PCDH7: variants seen among roughly 807,000 people sequenced by gnomAD.
The protein encoded by PCDH7 is protocadherin-7.
A neutral mutation model predicts 58.9 loss-of-function variants in PCDH7; 17 were observed. That is an observed-to-expected ratio of 0.29 (90% CI 0.20 to 0.43). The LOEUF (loss-of-function observed/expected upper bound fraction) is 0.43, where lower values mean the gene tolerates loss of function less well. Ranked by LOEUF, PCDH7 falls within the 20% of genes least tolerant of loss-of-function variation. The probability of loss-of-function intolerance (pLI) is 1.00; values close to 1 mark genes in which losing one functional copy is unlikely to be tolerated. For synonymous variants in PCDH7, 664 were observed against 616.4 expected (o/e 1.08, Z -1.14); for missense variants, 1,274 against 1,441.0 (o/e 0.88, Z 1.88).
intron 1 of PCDH7, among the ~76,000 whole-genome samples, chr4:30,799,014 T>C (rs1725162682): frequency 6.6e-6 from 1 of 152,254 alleles, no homozygotes; most frequent in Non-Finnish European, 1.5e-5. Flanking sequence ...AAACAATTCA[T>C]ATGATTTCAT....
chr4:30,729,353 A>G (rs1486992822), intron 1 of PCDH7, among the ~76,000 whole-genome samples: 2 of 152,034 alleles, frequency 1.3e-5, no homozygotes, highest in African/African-American at 4.8e-5. Flanking sequence ...TTTACAATAG[A>G]CTATAATTCT....
At chr4:30,821,345 T>C (rs1482321427) in intron 1 of PCDH7, among the ~76,000 whole-genome samples, 1 of 152,210 alleles carries the variant, frequency 6.6e-6, no homozygotes, top group African/African-American at 2.4e-5. Flanking sequence ...ACTTAGAGAC[T>C]TCCAGAAGAA....
intron 1 of PCDH7, among the ~76,000 whole-genome samples, chr4:30,843,367 A>T (rs1038094071): frequency 6.6e-6 from 1 of 151,904 alleles, no homozygotes; most frequent in African/African-American, 2.4e-5. Flanking sequence ...CTAATTTTTC[A>T]GTTATTAGTA....
At chr4:30,810,705 G>A (rs1038335792) in intron 1 of PCDH7, among the ~76,000 whole-genome samples, 21 of 150,520 alleles carry the variant, frequency 1.4e-4, no homozygotes, top group Non-Finnish European at 3.1e-4. Flanking sequence ...TCTGCCTCCC[G>A]GTTCAAGCTA....
chr4:31,110,449 C>A (rs1200581994), intron 3 of PCDH7, among the ~76,000 whole-genome samples: 2 of 152,122 alleles, frequency 1.3e-5, no homozygotes, highest in Non-Finnish European at 2.9e-5. Context: ...CTTATGGAAA[C>A]TAGGGGTTGT....
At chr4:30,911,814 T>G (rs552016489) in intron 1 of PCDH7, among the ~76,000 whole-genome samples, 1 of 152,030 alleles carries the variant, frequency 6.6e-6, no homozygotes, top group South Asian at 2.1e-4. Flanking sequence ...CTGATCCACA[T>G]AGGGATGGCA....
At chr4:30,827,207 G>T (rs1334707840) in intron 1 of PCDH7, among the ~76,000 whole-genome samples, 2 of 152,214 alleles carry the variant, frequency 1.3e-5, no homozygotes, top group East Asian at 3.9e-4. Flanking sequence ...ACTATATAGT[G>T]CTTGCTTTGG....
intron 3 of PCDH7, among the ~76,000 whole-genome samples, chr4:31,085,075 T>C (rs1712212153): frequency 6.6e-6 from 1 of 152,106 alleles, no homozygotes; most frequent in Non-Finnish European, 1.5e-5. Context: ...AGTTTTATTA[T>C]TACTCAAATC....
rs149264659 is a variant in PCDH7, at chr4:31,043,143, G to T, written c.*7+92928G>T. ...AATCACCTCTTAAAGACCTCATCTC[G>T]TAATACTGTTACCCTAGGGATTAAG... On this transcript the variant is annotated intron_variant, in intron 3 of 3. Coordinates refer to the PCDH7 transcript ENST00000509759. Among the ~76,000 whole-genome samples the T allele has an allele frequency of 1.3e-4, 20 of 152,156 alleles. No homozygotes were observed. The East Asian group carries it at 3.7e-3, about 28-fold the overall frequency.
intron 1 of PCDH7, among the ~76,000 whole-genome samples, chr4:30,891,785 T>TTC (rs71190470): frequency 6.7e-6 from 1 of 149,876 alleles, no homozygotes; most frequent in East Asian, 2.0e-4. Flanking sequence ...TTTTTTTTTT[T>TTC]CTCTGTTAAG....
At chr4:30,820,682 T>G (rs2109321143) in intron 1 of PCDH7, among the ~76,000 whole-genome samples, 1 of 152,134 alleles carries the variant, frequency 6.6e-6, no homozygotes, top group Non-Finnish European at 1.5e-5. Context: ...TAAATGATGA[T>G]CAGACTATAA....
At chr4:30,739,335 A>G (rs1716770269) in intron 1 of PCDH7, among the ~76,000 whole-genome samples, 1 of 151,612 alleles carries the variant, frequency 6.6e-6, no homozygotes, top group Admixed American at 6.6e-5. Flanking sequence ...GTACCTTTCT[A>G]AGCTTCTAGA....
chr4:30,845,307 T>A (rs1223100114), intron 1 of PCDH7, among the ~76,000 whole-genome samples: 1 of 152,204 alleles, frequency 6.6e-6, no homozygotes, highest in Non-Finnish European at 1.5e-5. Flanking sequence ...CTCTTACATT[T>A]ATTTCTAATG....
intron 1 of PCDH7, among the ~76,000 whole-genome samples, chr4:30,915,201 C>T (rs143804706): frequency 3.5e-4 from 54 of 152,220 alleles, no homozygotes; most frequent in African/African-American, 1.2e-3. Flanking sequence ...TTACAGAAAT[C>T]TTTGTTTTAA....
At chr4:31,072,682 C>T (rs189315967) in intron 3 of PCDH7, among the ~76,000 whole-genome samples, 1 of 152,024 alleles carries the variant, frequency 6.6e-6, no homozygotes, top group Admixed American at 6.6e-5. Context: ...TGTGTTATCT[C>T]AATCACATTA....
intron 3 of PCDH7, among the ~76,000 whole-genome samples, chr4:31,035,346 C>T (rs1479187925): frequency 2.7e-5 from 4 of 149,130 alleles, no homozygotes; most frequent in Non-Finnish European, 4.4e-5. Flanking sequence ...CTCTGCTTAC[C>T]GGGTTCAAGC....
At chr4:31,058,909 C>T (rs940397813) in intron 3 of PCDH7, among the ~76,000 whole-genome samples, 1 of 151,980 alleles carries the variant, frequency 6.6e-6, no homozygotes, top group Non-Finnish European at 1.5e-5. Flanking sequence ...TATTTACAGG[C>T]TGACACTCAC....
At chr4:30,884,933 G>T (rs1289773811) in intron 1 of PCDH7, 1 of 152,118 alleles carries the variant, frequency 6.6e-6, no homozygotes, top group South Asian at 2.1e-4. Flanking sequence ...TTTTTATGGG[G>T]GTCTGATGAA....
In PCDH7 at chr4:31,102,937, C is replaced by T. The variant is rs550233149; in HGVS notation, c.*8-39536C>T. On this transcript the variant is annotated intron_variant, in intron 3 of 3. Transcript: ENST00000509759. ...GTTCATTATGTGTCATAGAACTCTA[C>T]GACAAATATATAATTTAGTTTGAAC... 1.1e-3 allele frequency among the ~76,000 whole-genome samples: 167 copies of T among 152,178 alleles called. 1 individual carries two copies. The highest frequency in any genetic ancestry group is 3.5e-3 in the African/African-American group (144 of 41,510).
Sources: allele counts gnomAD v4.1 joint callset (sites outside exome capture counted in the v4.1 genomes callset), GRCh38; gene constraint gnomAD v4.1.1; transcripts MANE v1.5; gene names NCBI Gene and HGNC (gene_info 2026-07-23, HGNC 2026-07-21).